SLC25A48: variants seen among roughly 807,000 people sequenced by gnomAD.
SLC25A48 encodes solute carrier family 25 member 48.
A neutral mutation model predicts 32.2 loss-of-function variants in SLC25A48; 29 were observed. The ratio of observed to expected loss-of-function variants is 0.90; its 90% CI spans 0.67 to 1.23. The LOEUF (loss-of-function observed/expected upper bound fraction) is 1.23. SLC25A48 is among the 50% of genes most tolerant of loss of function. SLC25A48 has a pLI of 0.00. For missense variants in SLC25A48, 399 were observed against 422.7 expected, an observed-to-expected ratio of 0.94 and a Z score of 0.49; for synonymous variants, 164 against 172.3, an observed-to-expected ratio of 0.95 and a Z score of 0.38.
At chr5:135,673,751 T>C (rs1392263975) in intron 3 of SLC25A48, among the ~76,000 whole-genome samples, 3 of 152,112 alleles carry the variant, frequency 2.0e-5, no homozygotes, top group African/African-American at 7.2e-5. Context: ...GTTTGTGTTT[T>C]TGTATTATAT....
chr5:135,753,734 A>G (rs1755827046), intron 3 of SLC25A48, among the ~76,000 whole-genome samples: 1 of 151,918 alleles, frequency 6.6e-6, no homozygotes, highest in African/African-American at 2.4e-5. Flanking sequence ...TGAGAATATT[A>G]TGCACAATAT....
intron 3 of SLC25A48, among the ~76,000 whole-genome samples, chr5:135,636,384 AG>A (rs1467277643): frequency 2.6e-5 from 4 of 152,224 alleles, no homozygotes; most frequent in African/African-American, 7.2e-5. Context: ...GGAGGTCTCC[AG>A]TTGTAGAAAG....
intron 3 of SLC25A48, among the ~76,000 whole-genome samples, chr5:135,643,845 A>G (rs1420667147): frequency 2.0e-5 from 3 of 152,074 alleles, no homozygotes; most frequent in African/African-American, 7.2e-5. Context: ...AATCCTCCCA[A>G]CAATGCCATG....
intron 2 of SLC25A48, among the ~76,000 whole-genome samples, chr5:135,843,364 C>A (rs1759159106): frequency 6.6e-6 from 1 of 152,138 alleles, no homozygotes; most frequent in South Asian, 2.1e-4. Context: ...GACCTCAGAG[C>A]CGGGCATTGT....
intron 3 of SLC25A48, among the ~76,000 whole-genome samples, chr5:135,732,386 G>T (rs1172543679): frequency 6.6e-6 from 1 of 152,172 alleles, no homozygotes; most frequent in African/African-American, 2.4e-5. Flanking sequence ...CTGAGGCCCT[G>T]TGGGAAATGC....
chr5:135,600,783 A>G (rs1423835361), intron 1 of SLC25A48, among the ~76,000 whole-genome samples: 2 of 151,644 alleles, frequency 1.3e-5, no homozygotes, highest in Non-Finnish European at 2.9e-5. Context: ...GCTGGGTTCA[A>G]GCAATTCTCC....
At position 135,850,442 on chromosome 5, in the gene SLC25A48, C is replaced by T. The variant is rs190171318; in HGVS notation, c.108C>T (p.Gly36=). 185 of 1,614,172 alleles carry T rather than the reference C, an allele frequency of 1.1e-4. No individual in the cohort carries two copies. The highest frequency in any genetic ancestry group is 3.8e-4 in the South Asian group (35 of 91,084). ...LDTVKTRLQA[G]VGYGNTLSCI... ...CTCCATAGACTCGCCTGCAGGCTGG[C>T]GTTGGCTACGGAAACACCCTCAGCT... is the stretch of plus-strand genomic sequence containing the variant. Residue 36 remains glycine, a synonymous_variant, in exon 3 of 8, where the codon GGC becomes GGT. Coordinates refer to ENST00000681962, the MANE Select transcript of SLC25A48 (RefSeq NM_001349336.2).
At chr5:135,748,428 A>G (rs1162699614) in intron 3 of SLC25A48, among the ~76,000 whole-genome samples, 1 of 151,668 alleles carries the variant, frequency 6.6e-6, no homozygotes, top group Non-Finnish European at 1.5e-5. Context: ...GCCTGCCACC[A>G]CGCCTAGCTA....
intron 3 of SLC25A48, among the ~76,000 whole-genome samples, chr5:135,691,988 G>A (rs1020430884): frequency 3.3e-5 from 5 of 152,162 alleles, no homozygotes; most frequent in Admixed American, 1.3e-4. Context: ...CAAGAGCTAC[G>A]TGAGTTGTGT....
chr5:135,887,959 C>T, intron 7 of SLC25A48, 73 bp from the exon 8 acceptor site: 2 of 1,386,274 alleles, frequency 1.4e-6, no homozygotes, highest in Non-Finnish European at 2.0e-6. Context: ...GAAGGGGTGG[C>T]CTGGTGTGAT....
chr5:135,766,173 C>T (rs62365703), intron 3 of SLC25A48, among the ~76,000 whole-genome samples: 21,703 of 150,812 alleles, frequency 0.14, 1,787 homozygotes, highest in South Asian at 0.2. Context: ...CCCAATAACG[C>T]GGTTGGTGTA....
intron 4 of SLC25A48, among the ~76,000 whole-genome samples, chr5:135,865,646 T>C (rs1165518363): frequency 6.6e-6 from 1 of 152,068 alleles, no homozygotes; most frequent in East Asian, 1.9e-4. Flanking sequence ...ACTCGGGCCA[T>C]AGTGTATGAT....
At chr5:135,657,303 A>G (rs1438103340) in intron 3 of SLC25A48, among the ~76,000 whole-genome samples, 1 of 152,238 alleles carries the variant, frequency 6.6e-6, no homozygotes, top group Admixed American at 6.5e-5. Flanking sequence ...CTTCTACTGC[A>G]GAGACAAAGG....
intron 6 of SLC25A48, among the ~76,000 whole-genome samples, chr5:135,879,007 A>G (rs1762247363): frequency 6.6e-6 from 1 of 152,184 alleles, no homozygotes; most frequent in Admixed American, 6.5e-5. Context: ...CACATTTATG[A>G]GCCGACACAC....
At chr5:135,886,636 T>TATATA (rs1554088462) in intron 7 of SLC25A48, among the ~76,000 whole-genome samples, 1 of 30,128 alleles carries the variant, frequency 3.3e-5, no homozygotes, top group Non-Finnish European at 5.8e-5. Context: ...TATATATATA[T>TATATA]AAAATATATA....
intron 3 of SLC25A48, among the ~76,000 whole-genome samples, chr5:135,667,010 G>A (rs1415465936): frequency 1.3e-5 from 2 of 152,186 alleles, no homozygotes; most frequent in African/African-American, 4.8e-5. Flanking sequence ...TTTCTAATGG[G>A]TGTGGGATCT....
chr5:135,807,727 T>A (rs1385398304), intron 3 of SLC25A48, among the ~76,000 whole-genome samples: 1 of 150,144 alleles, frequency 6.7e-6, no homozygotes, highest in Non-Finnish European at 1.5e-5. Flanking sequence ...ACACTGTGTG[T>A]AAACACTAGA....
intron 4 of SLC25A48, among the ~76,000 whole-genome samples, chr5:135,856,999 C>T (rs1230897087): frequency 6.6e-6 from 1 of 152,248 alleles, no homozygotes; most frequent in Non-Finnish European, 1.5e-5. Flanking sequence ...GCCCCGCCTC[C>T]TTTACCACCT....
chr5:135,665,862 T>C (rs181476293), intron 3 of SLC25A48, among the ~76,000 whole-genome samples: 4 of 152,266 alleles, frequency 2.6e-5, no homozygotes, highest in African/African-American at 9.6e-5. Context: ...TGTGGGCTCT[T>C]TCTCTCCTTC....
Sources: allele counts gnomAD v4.1 joint callset (sites outside exome capture counted in the v4.1 genomes callset), GRCh38; gene constraint gnomAD v4.1.1; transcripts MANE v1.5; gene names NCBI Gene and HGNC (gene_info 2026-07-23, HGNC 2026-07-21).